The following DAG1 variants were observed in gnomAD, a reference collection of about 807,000 sequenced individuals.
The protein encoded by DAG1 is dystroglycan 1 (dystrophin-associated glycoprotein 1).
In DAG1, 8 loss-of-function variants were observed where a neutral mutation model predicts 46.1. The observed-to-expected ratio is 0.17, with a 90% CI of 0.10 to 0.31. DAG1 has a LOEUF of 0.31. Among genes scored for constraint, DAG1 ranks in the 10% least tolerant of loss-of-function variants. DAG1 has a pLI of 1.00. For synonymous variants in DAG1, 495 were observed against 481.8 expected (o/e 1.03, Z -0.36); for missense variants, 1,003 against 1,189.9 (o/e 0.84, Z 2.31).
chr3:49,526,118 T>C (rs1010575988), intron 2 of DAG1, among the ~76,000 whole-genome samples: 2 of 152,188 alleles, frequency 1.3e-5, no homozygotes, highest in African/African-American at 4.8e-5. Context: ...CCCAAAGTAC[T>C]AGGATTATAG....
chr3:49,526,679 T>C (rs572243480), intron 2 of DAG1, among the ~76,000 whole-genome samples: 1 of 152,332 alleles, frequency 6.6e-6, no homozygotes, highest in Non-Finnish European at 1.5e-5. Context: ...ATCGTGCCAC[T>C]GCACTCCAGC....
chr3:49,474,096 C>A (rs553268248), intron 1 of DAG1, among the ~76,000 whole-genome samples: 1 of 152,072 alleles, frequency 6.6e-6, no homozygotes. Flanking sequence ...GCTCTGTTGC[C>A]GAAGCTGGAG....
intron 2 of DAG1, among the ~76,000 whole-genome samples, chr3:49,512,159 G>C (rs1356255514): frequency 1.3e-5 from 2 of 151,964 alleles, no homozygotes; most frequent in Admixed American, 6.6e-5. Flanking sequence ...AGCCTCCCAA[G>C]TAGCTGGGAC....
At chr3:49,521,028 G>A (rs1399469138) in intron 2 of DAG1, among the ~76,000 whole-genome samples, 3 of 152,080 alleles carry the variant, frequency 2.0e-5, no homozygotes, top group Admixed American at 1.3e-4. Flanking sequence ...GTGGAAACCT[G>A]CTTTTATGAG....
chr3:49,506,258 G>A (rs573566864), intron 1 of DAG1, among the ~76,000 whole-genome samples: 3 of 152,214 alleles, frequency 2.0e-5, no homozygotes, highest in African/African-American at 2.4e-5. Flanking sequence ...GATTACAGGC[G>A]TGGGCCACTG....
chr3:49,510,376 C>A, intron 1 of DAG1, 43 bp from the exon 2 acceptor site: 1 of 718,276 alleles, frequency 1.4e-6, no homozygotes, highest in Non-Finnish European at 2.4e-6. Flanking sequence ...GACTGAACCA[C>A]TGGAATTGCT....
Position 49,531,443 on chromosome 3 carries a change from G to C in DAG1, c.932G>C (p.Arg311Pro), listed in dbSNP as rs752813826. The C allele has an allele frequency of 6.2e-6, 10 of 1,613,800 alleles. No individual in the cohort carries two copies. The highest frequency in any genetic ancestry group is 7.6e-6 in the Non-Finnish European group (9 of 1,179,974). The change falls in exon 3 of 3, where the codon CGG (arginine) becomes CCG (proline). Residue 311 changes from arginine (R) to proline (P), a missense_variant. Arg to Pro is a moderately radical substitution (Grantham distance 103). Coordinates refer to ENST00000308775, the MANE Select transcript of DAG1 (RefSeq NM_004393.6). This position sits in a 1 kb window ranked among gnomAD's most constrained non-coding sequence, Gnocchi z 7.0. Reference sequence around the variant, plus strand: ...AAGCCCCCTCTTCCCAAACGCGTCCGGAGGCAGATCCATGCTACACCCACA... The same window carrying C: ...AAGCCCCCTCTTCCCAAACGCGTCCCGAGGCAGATCCATGCTACACCCACA... ...NKKPPLPKRV[R>P]RQIHATPTPV...
In DAG1 at chr3:49,531,976, C is replaced by T. The variant is rs1227438701; in HGVS notation, c.1465C>T (p.Arg489Cys). 2 of 1,614,082 alleles carry T rather than the reference C, an allele frequency of 1.2e-6. No homozygotes were observed. Among genetic ancestry groups the T allele is most frequent in the African/African-American group, 1.3e-5 (1 of 74,920 alleles). The change falls in exon 3 of 3, where the codon CGT (arginine) becomes TGT (cysteine). Residue 489 changes from arginine (R) to cysteine (C), a missense_variant. Arg to Cys is a radical substitution (Grantham distance 180). Transcript: ENST00000308775. The surrounding 1 kb of genome is among the most constrained non-coding windows in gnomAD (Gnocchi z 7.0). ...TCGCACCACCACCAGTGGAGTGCCC[C>T]GTGGCGGAGAACCCAACCAGCGCCC... ...RIRTTTSGVP[R>C]GGEPNQRPEL...
In DAG1 at chr3:49,533,345, C is replaced by A; in HGVS notation, c.*146C>A. On this transcript the variant is annotated 3_prime_UTR_variant, in exon 3 of 3. Transcript: ENST00000308775. ...ACACTGACACAGGGGCCTGGACAAG[C>A]CCGCCCTCTCTGGTCCTCCCAAACC... is the stretch of plus-strand genomic sequence containing the variant. 2 of 1,249,648 alleles carry A rather than the reference C, an allele frequency of 1.6e-6. No individual in the cohort carries two copies. Among genetic ancestry groups the A allele is most frequent in the Non-Finnish European group, 2.3e-6 (2 of 885,106 alleles). 77.4% of individuals were successfully genotyped at this position (1,249,648 alleles called of 1,614,324 possible).
intron 1 of DAG1, among the ~76,000 whole-genome samples, chr3:49,487,839 A>G (rs2050078891): frequency 6.6e-6 from 1 of 151,726 alleles, no homozygotes; most frequent in Non-Finnish European, 1.5e-5. Flanking sequence ...AGCTGGGACT[A>G]CAACAGGCTC....
chr3:49,496,514 C>T (rs111643210), intron 1 of DAG1, among the ~76,000 whole-genome samples: 2 of 151,710 alleles, frequency 1.3e-5, no homozygotes, highest in African/African-American at 2.4e-5. Flanking sequence ...TGTGCCACTG[C>T]GCCTGGCTAA....
chr3:49,478,776 A>C (rs919651911), intron 1 of DAG1, among the ~76,000 whole-genome samples: 1 of 145,092 alleles, frequency 6.9e-6, no homozygotes, highest in Non-Finnish European at 1.5e-5. Context: ...AAATAAAAAA[A>C]TGAAAAGTCT....
At chr3:49,507,644 T>C (rs372693388) in intron 1 of DAG1, among the ~76,000 whole-genome samples, 2 of 152,074 alleles carry the variant, frequency 1.3e-5, no homozygotes, top group South Asian at 4.1e-4. Context: ...TTTTTTTCTT[T>C]TTCTTTTTCT....
At chr3:49,528,847 C>T (rs1413728165) in intron 2 of DAG1, among the ~76,000 whole-genome samples, 2 of 148,992 alleles carry the variant, frequency 1.3e-5, no homozygotes, top group African/African-American at 2.5e-5. Context: ...ATAATAATAA[C>T]GCCTTTTTTT....
chr3:49,503,840 A>G (rs2050523652), intron 1 of DAG1, among the ~76,000 whole-genome samples: 1 of 151,770 alleles, frequency 6.6e-6, no homozygotes, highest in African/African-American at 2.4e-5. Context: ...AAAAAAAAAA[A>G]GAAAAAAGAA....
chr3:49,485,626 T>C (rs1354325402), intron 1 of DAG1, among the ~76,000 whole-genome samples: 3 of 151,692 alleles, frequency 2.0e-5, no homozygotes, highest in African/African-American at 4.8e-5. Context: ...AGACCTAATG[T>C]GGTAGATCAG....
At chr3:49,487,802 C>T (rs1010475017) in intron 1 of DAG1, among the ~76,000 whole-genome samples, 10 of 148,442 alleles carry the variant, frequency 6.7e-5, no homozygotes, top group Admixed American at 4.9e-4. Flanking sequence ...CGGGTTCAAG[C>T]GATTCTCCTG....
rs2107973358 is a variant in DAG1 at position 49,534,749 on chromosome 3, G to A, written c.*1550G>A. The A allele has an allele frequency of 6.5e-6, 1 of 152,766 alleles. No individual in the cohort carries two copies. The highest frequency in any genetic ancestry group is 1.9e-4 in the East Asian group (1 of 5,188). The allele number at this position is 152,766 out of a possible 1,614,324, so 9.5% of individuals were successfully genotyped here. ...ACTCTGCTTCGATTCTCCTCCTGTG[G>A]AAGAAACCATTTTGAGCATGACTTT... On this transcript the variant is annotated 3_prime_UTR_variant, in exon 3 of 3. Coordinates refer to ENST00000308775, the MANE Select transcript of DAG1 (RefSeq NM_004393.6).
At chr3:49,497,250 A>AAG (rs2050338278) in intron 1 of DAG1, among the ~76,000 whole-genome samples, 1 of 152,040 alleles carries the variant, frequency 6.6e-6, no homozygotes, top group South Asian at 2.1e-4. Flanking sequence ...CAGCCTGGCT[A>AAG]ACATGGTGAA....
Sources: gnomAD v4.1 joint callset for allele counts (sites outside exome capture counted in the v4.1 genomes callset) on GRCh38, gnomAD v4.1.1 for gene constraint, Gnocchi (gnomAD v3.1) non-coding constraint, MANE v1.5 for transcripts, NCBI Gene and HGNC (gene_info 2026-07-23, HGNC 2026-07-21) for gene names.